Variants in STK3 observed in about 807,000 individuals in gnomAD.
STK3 encodes the protein serine/threonine-protein kinase 3.
STK3 carries 41 observed loss-of-function variants against 58.0 expected under a neutral mutation model. That is an observed-to-expected ratio of 0.71 (90% confidence interval 0.55 to 0.92). The LOEUF is 0.92. STK3 is among the 40% of genes least tolerant of loss of function. STK3 has a pLI of 0.00. For synonymous variants in STK3, 170 were observed against 191.0 expected, an observed-to-expected ratio of 0.89 and a Z score of 0.91; for missense variants, 479 against 602.7, an observed-to-expected ratio of 0.79 and a Z score of 2.15.
chr8:98,640,106 T>C (rs996670342), intron 6 of STK3, among the ~76,000 whole-genome samples: 3 of 152,082 alleles, frequency 2.0e-5, no homozygotes, highest in Non-Finnish European at 4.4e-5. Flanking sequence ...CAGGCTGGAG[T>C]GCAGTGGCGC....
At chr8:98,438,096 T>A (rs568534103) in intron 1 of STK3, 1 of 152,268 alleles carries the variant, frequency 6.6e-6, no homozygotes, top group Non-Finnish European at 1.5e-5. Flanking sequence ...TGAGGTTTTA[T>A]GCACAGTTTA....
chr8:98,674,821 T>C (rs1209572772), intron 6 of STK3, among the ~76,000 whole-genome samples: 4 of 152,206 alleles, frequency 2.6e-5, no homozygotes, highest in African/African-American at 7.2e-5. Context: ...AGAAGGCTGT[T>C]TTTTTGTTTT....
At chr8:98,663,810 G>C (rs991133131) in intron 6 of STK3, among the ~76,000 whole-genome samples, 7 of 152,184 alleles carry the variant, frequency 4.6e-5, no homozygotes, top group African/African-American at 1.4e-4. Flanking sequence ...TCATAGGTGG[G>C]AACTGAACAA....
At chr8:98,711,358 C>A (rs1427509444) in intron 4 of STK3, among the ~76,000 whole-genome samples, 3 of 151,876 alleles carry the variant, frequency 2.0e-5, no homozygotes, top group South Asian at 2.1e-4. Flanking sequence ...GAAGTACGAA[C>A]CCAGGCAAAG....
chr8:98,711,922 T>C (rs1826489065), intron 4 of STK3, among the ~76,000 whole-genome samples: 1 of 152,206 alleles, frequency 6.6e-6, no homozygotes, highest in Non-Finnish European at 1.5e-5. Context: ...CCCATCAGAC[T>C]GACAGCTGAT....
At chr8:98,398,672 C>T (rs1817915903), downstream of STK3, among the ~76,000 whole-genome samples, 2 of 152,156 alleles carry the variant, frequency 1.3e-5, no homozygotes, top group Admixed American at 1.3e-4. Context: ...GCTCCCATCT[C>T]CCCCGAGGCT....
intron 10 of STK3, among the ~76,000 whole-genome samples, chr8:98,464,652 A>G (rs1363789949): frequency 6.6e-6 from 1 of 152,032 alleles, no homozygotes; most frequent in African/African-American, 2.4e-5. Context: ...GAAGCATACA[A>G]AAAAGGAGCA....
chr8:98,823,909 T>C (rs1297930391), intron 1 of STK3, among the ~76,000 whole-genome samples: 1 of 152,192 alleles, frequency 6.6e-6, no homozygotes, highest in Non-Finnish European at 1.5e-5. Flanking sequence ...AACGAGTAGC[T>C]ATATTTCATT....
rs187286949 is a variant in STK3 at position 98,486,778 on chromosome 8, G to A, written c.1318-30778C>T. On this transcript the variant is annotated intron_variant, in intron 10 of 10. Transcript: ENST00000419617. The stretch of plus-strand genomic sequence containing the variant: ...GATTCTCAGTGTGATACAATATTAA[G>A]GCAGCAAAACTCAAATGAAAGAATG... 5.0e-4 allele frequency among the ~76,000 whole-genome samples: 76 copies of A among 152,248 alleles called. 1 individual carries two copies. Among genetic ancestry groups the A allele is most frequent in the Admixed American group, 3.3e-3 (51 of 15,286 alleles).
At chr8:98,921,412 C>T (rs1405572587) in intron 1 of STK3, 1 of 152,620 alleles carries the variant, frequency 6.6e-6, no homozygotes, top group Admixed American at 6.5e-5. Context: ...TCCACTTCAA[C>T]TGAGCGCACA....
chr8:98,687,606 G>A (rs904067824), intron 6 of STK3, among the ~76,000 whole-genome samples: 2 of 152,148 alleles, frequency 1.3e-5, no homozygotes, highest in African/African-American at 4.8e-5. Context: ...CTACAAACCA[G>A]ACAAGATTAG....
chr8:98,903,511 C>A (rs1042876269), intron 1 of STK3, among the ~76,000 whole-genome samples: 1 of 29,924 alleles, frequency 3.3e-5, no homozygotes, highest in Non-Finnish European at 5.4e-5. Context: ...TCTTCTTCTT[C>A]TTCTTCTTCT....
At chr8:98,773,802 T>C (rs1164843711) in intron 2 of STK3, among the ~76,000 whole-genome samples, 1 of 151,948 alleles carries the variant, frequency 6.6e-6, no homozygotes, top group Non-Finnish European at 1.5e-5. Context: ...TTTATTTATT[T>C]ATTTATTTTT....
intron 1 of STK3, among the ~76,000 whole-genome samples, chr8:98,804,150 C>T (rs1006558675): frequency 6.6e-6 from 1 of 152,030 alleles, no homozygotes; most frequent in Admixed American, 6.6e-5. Context: ...TACAGGTGTA[C>T]ACCACCACGC....
At chr8:98,351,822 G>A in the STK3 span, among the ~76,000 whole-genome samples, 1 of 152,180 alleles carries the variant, frequency 6.6e-6, no homozygotes, top group Non-Finnish European at 1.5e-5. Context: ...AAGTGTCCAA[G>A]AGGAACAATT....
chr8:98,796,815 T>G (rs1239697244), intron 1 of STK3, among the ~76,000 whole-genome samples: 1 of 152,130 alleles, frequency 6.6e-6, no homozygotes, highest in Non-Finnish European at 1.5e-5. Context: ...CAAACTTTCA[T>G]CAAAAGAAGA....
intron 8 of STK3, among the ~76,000 whole-genome samples, chr8:98,548,505 G>A (rs1340026353): frequency 6.6e-6 from 1 of 152,082 alleles, no homozygotes; most frequent in African/African-American, 2.4e-5. Flanking sequence ...CTTTAAGACA[G>A]AACACATTGA....
intron 1 of STK3, among the ~76,000 whole-genome samples, chr8:98,784,755 C>G (rs1832348699): frequency 6.6e-6 from 1 of 152,150 alleles, no homozygotes; most frequent in South Asian, 2.1e-4. Flanking sequence ...GACAGATACC[C>G]AGGCATCTAA....
chr8:98,510,269 G>C (rs1679242800), intron 10 of STK3, among the ~76,000 whole-genome samples: 1 of 152,062 alleles, frequency 6.6e-6, no homozygotes. Context: ...CTAATCCAGA[G>C]GCATGCCACA....
Sources: allele counts gnomAD v4.1 joint callset (sites outside exome capture counted in the v4.1 genomes callset), GRCh38; gene constraint gnomAD v4.1.1; transcripts MANE v1.5; gene names NCBI Gene and HGNC (gene_info 2026-07-23, HGNC 2026-07-21).